CFDP1: variants seen among roughly 807,000 people sequenced by gnomAD.
The protein encoded by CFDP1 is heterochromatin-stabilizing protein CFDP1.
In CFDP1, 31 loss-of-function variants were observed where a neutral mutation model predicts 40.1. That is an observed-to-expected ratio of 0.77 (90% confidence interval 0.58 to 1.04). The LOEUF is 1.04. Among genes scored for constraint, CFDP1 ranks in the 50% least tolerant of loss-of-function variants. The pLI is 0.00. For missense variants in CFDP1, 423 were observed against 343.4 expected, an observed-to-expected ratio of 1.23 and a Z score of -1.83; for synonymous variants, 167 against 120.0, an observed-to-expected ratio of 1.39 and a Z score of -2.56.
At chr16:75,409,388 T>C (rs1393844312) in intron 4 of CFDP1, 1 of 152,154 alleles carries the variant, frequency 6.6e-6, no homozygotes, top group African/African-American at 2.4e-5. Flanking sequence ...GCCCCAGTTA[T>C]ACACACACAC....
intron 5 of CFDP1, among the ~76,000 whole-genome samples, chr16:75,379,547 T>C (rs1242121779): frequency 6.6e-6 from 1 of 152,144 alleles, no homozygotes; most frequent in Non-Finnish European, 1.5e-5. Context: ...CAATTTGTCA[T>C]TTAAAAACTC....
intron 4 of CFDP1, among the ~76,000 whole-genome samples, chr16:75,404,398 T>G (rs184658458): frequency 0.015 from 2,350 of 151,900 alleles, 59 homozygotes; most frequent in African/African-American, 0.053. Flanking sequence ...ATTTTTTGTA[T>G]TTTTAGTAGA....
chr16:75,320,575 G>A (rs973427024), intron 5 of CFDP1, among the ~76,000 whole-genome samples: 1 of 152,192 alleles, frequency 6.6e-6, no homozygotes, highest in East Asian at 1.9e-4. Context: ...GTGAGAGCAA[G>A]GCCTCTGACC....
chr16:75,323,380 T>C (rs2078379442), intron 5 of CFDP1, among the ~76,000 whole-genome samples: 1 of 152,050 alleles, frequency 6.6e-6, no homozygotes, highest in Non-Finnish European at 1.5e-5. Flanking sequence ...ATGACAACAA[T>C]GCTTTCTTAT....
At chr16:75,418,401 G>T (rs2079235098) in intron 1 of CFDP1, among the ~76,000 whole-genome samples, 1 of 148,660 alleles carries the variant, frequency 6.7e-6, no homozygotes, top group Non-Finnish European at 1.5e-5. Flanking sequence ...CGCCTCCCGG[G>T]TTTTACGCCA....
At chr16:75,409,187 G>C (rs1219368792) in intron 4 of CFDP1, 1 of 152,070 alleles carries the variant, frequency 6.6e-6, no homozygotes, top group Non-Finnish European at 1.5e-5. Context: ...CAGAATAAAA[G>C]GTAACAGTGA....
At chr16:75,299,454 G>A (rs1254945274) in intron 6 of CFDP1, among the ~76,000 whole-genome samples, 1 of 151,266 alleles carries the variant, frequency 6.6e-6, no homozygotes, top group Admixed American at 6.6e-5. Context: ...AATTAGCCGG[G>A]TGTGGTGGCG....
At chr16:75,420,798 T>C (rs1217781109) in intron 1 of CFDP1, among the ~76,000 whole-genome samples, 1 of 151,978 alleles carries the variant, frequency 6.6e-6, no homozygotes, top group Non-Finnish European at 1.5e-5. Flanking sequence ...TCAGAGTGAG[T>C]TTTCACTAAA....
chr16:75,345,917 G>A (rs2151522691), intron 5 of CFDP1, among the ~76,000 whole-genome samples: 1 of 152,330 alleles, frequency 6.6e-6, no homozygotes, highest in East Asian at 1.9e-4. Flanking sequence ...TGACTAAGCT[G>A]AGGCTGCACC....
chr16:75,383,721 AG>A (rs1396883976), intron 5 of CFDP1, among the ~76,000 whole-genome samples: 1 of 150,760 alleles, frequency 6.6e-6, no homozygotes, highest in African/African-American at 2.4e-5. Flanking sequence ...CGGGAAGCTG[AG>A]GCAGGAGAAT....
intron 5 of CFDP1, among the ~76,000 whole-genome samples, chr16:75,312,227 G>C (rs1402865055): frequency 6.6e-6 from 1 of 152,140 alleles, no homozygotes; most frequent in East Asian, 1.9e-4. Context: ...ATATTAGGGA[G>C]CTAGTTTAAC....
intron 5 of CFDP1, among the ~76,000 whole-genome samples, chr16:75,380,365 T>C (rs543353348): frequency 1.3e-5 from 2 of 151,976 alleles, no homozygotes; most frequent in East Asian, 3.9e-4. Context: ...AAAACCACAG[T>C]AGAGCACATG....
At chr16:75,394,498 G>A (rs890709054) in intron 5 of CFDP1, among the ~76,000 whole-genome samples, 4 of 151,974 alleles carry the variant, frequency 2.6e-5, no homozygotes, top group Non-Finnish European at 4.4e-5. Flanking sequence ...AGTGTTCATC[G>A]CAAATCTTCA....
rs146824267 is a variant in CFDP1, at chr16:75,349,698, T to TATATATATATATATACAC, written c.651-44517_651-44516insGTGTATATATATATATAT. 3.3e-3 allele frequency among the ~76,000 whole-genome samples: 156 copies of TATATATATATATATACAC among 47,880 alleles called. 20 individuals carry two copies. The highest frequency in any genetic ancestry group is 0.01 in the South Asian group (13 of 1,242). The allele number at this position is 47,880 out of a possible 152,430, so 31.4% of individuals were successfully genotyped here. ...AAAAAAAAAAAAAAAAAAATATATA[T>TATATATATATATATACAC]ACATACATATATACGGTTGATTTTT... is the stretch of plus-strand genomic sequence containing the variant. On this transcript the variant is annotated intron_variant, in intron 5 of 6. Coordinates refer to ENST00000283882, the MANE Select transcript of CFDP1 (RefSeq NM_006324.3).
chr16:75,362,133 A>G (rs1341757083), intron 5 of CFDP1, among the ~76,000 whole-genome samples: 1 of 152,236 alleles, frequency 6.6e-6, no homozygotes, highest in Non-Finnish European at 1.5e-5. Context: ...AATAAGTCAG[A>G]CGGGACAGTC....
chr16:75,395,028 A>T, intron 5 of CFDP1, 62 bp downstream of exon 5: 1 of 1,600,606 alleles, frequency 6.2e-7, no homozygotes, highest in Non-Finnish European at 8.5e-7. Context: ...GAAAGTAGGT[A>T]TTTGCACTGA....
chr16:75,409,934 G>C (rs2079142153), intron 4 of CFDP1, among the ~76,000 whole-genome samples: 1 of 151,612 alleles, frequency 6.6e-6, no homozygotes, highest in Non-Finnish European at 1.5e-5. Flanking sequence ...TTGTAAAAGT[G>C]ATAATGGCCA....
chr16:75,418,894 CA>C, intron 1 of CFDP1: 1 of 160,570 alleles, frequency 6.2e-6, no homozygotes, highest in South Asian at 1.5e-4. Context: ...CTTAGGAGGC[CA>C]AGGTGGGTGA....
intron 6 of CFDP1, among the ~76,000 whole-genome samples, chr16:75,302,651 A>G (rs1329420800): frequency 6.6e-6 from 1 of 152,236 alleles, no homozygotes; most frequent in Non-Finnish European, 1.5e-5. Flanking sequence ...GCACACGCTG[A>G]TAGTTCCTCT....
Sources: gnomAD v4.1 joint callset for allele counts (sites outside exome capture counted in the v4.1 genomes callset) on GRCh38, gnomAD v4.1.1 for gene constraint, MANE v1.5 for transcripts, NCBI Gene and HGNC (gene_info 2026-07-23, HGNC 2026-07-21) for gene names.